The following RAB3A variants were observed in gnomAD, a reference collection of about 807,000 sequenced individuals.
RAB3A encodes ras-related protein Rab-3A.
In RAB3A, 5 loss-of-function variants were observed where a neutral mutation model predicts 19.7. The observed-to-expected ratio is 0.25, with a 90% CI of 0.13 to 0.53. The LOEUF (loss-of-function observed/expected upper bound fraction) is 0.53. Among genes scored for constraint, RAB3A ranks in the 20% least tolerant of loss-of-function variants. RAB3A has a pLI of 0.95. For synonymous variants in RAB3A, 119 were observed against 122.1 expected (o/e 0.97, Z 0.17); for missense variants, 189 against 305.6 (o/e 0.62, Z 2.85).
intron 3 of RAB3A, among the ~76,000 whole-genome samples, chr19:18,199,303 T>C (rs1286174785): frequency 2.0e-5 from 3 of 151,814 alleles, no homozygotes; most frequent in African/African-American, 7.3e-5. Context: ...ACTATAGGCA[T>C]GAGCCACCAT....
chr19:18,201,001 A>G (rs1271968138), intron 2 of RAB3A, among the ~76,000 whole-genome samples: 1 of 151,942 alleles, frequency 6.6e-6, no homozygotes, highest in Non-Finnish European at 1.5e-5. Flanking sequence ...TTGGGAGGCC[A>G]AGGCAGGTGG....
Position 18,202,844 on chromosome 19 carries a change from A to T in RAB3A, c.1-104T>A, listed in dbSNP as rs935969884. 4.5e-5 allele frequency: 38 copies of T among 844,984 alleles called. No individual in the cohort carries two copies. The highest frequency in any genetic ancestry group is 6.9e-5 in the Non-Finnish European group (35 of 508,696). 52.3% of individuals were successfully genotyped at this position (844,984 alleles called of 1,614,324 possible). A position where few individuals can be genotyped will look rare whatever the true frequency, so the allele number is the denominator to read the frequency against. ...AAGGGCTCCAGAAAACGGCCGGTGT[A>T]TGGAGGACACCCTTATCCCATCAGG... is the stretch of plus-strand genomic sequence containing the variant. On this transcript the variant is annotated intron_variant, in intron 1 of 4. Transcript: ENST00000222256. The surrounding 1 kb of genome is among the most constrained non-coding windows in gnomAD (Gnocchi z 4.2).
chr19:18,202,606 G>C lies in RAB3A; in HGVS notation c.135C>G (p.Asp45Glu), dbSNP rs772626979. Residue 45 changes from aspartate (D) to glutamate (E), a missense_variant, in exon 2 of 5, where the codon GAC becomes GAG. By Grantham distance (45) the Asp-to-Glu change is conservative (BLOSUM62 2). Coordinates refer to ENST00000222256, the MANE Select transcript of RAB3A (RefSeq NM_002866.5). The surrounding 1 kb of genome is among the most constrained non-coding windows in gnomAD (Gnocchi z 4.2). ...TGCTGACGAAGGCAGGCGTGAACGA[G>C]TCGTCAGCATAGCGGAAGAGGAAGG... Reference protein sequence around the residue: ...KTSFLFRYADDSFTPAFVSTV... With the variant: ...KTSFLFRYADESFTPAFVSTV... 2 of 1,614,072 alleles carry C rather than the reference G, an allele frequency of 1.2e-6. No homozygotes were observed. Among genetic ancestry groups the C allele is most frequent in the African/African-American group, 2.7e-5 (2 of 74,920 alleles).
At chr19:18,200,296 GA>G (rs138348056) in intron 3 of RAB3A, 30 bp downstream of exon 3, 54 of 1,497,990 alleles carry the variant, frequency 3.6e-5, no homozygotes, top group Admixed American at 1.2e-4. Flanking sequence ...GAAAAGAAAA[GA>G]AAAAAAAAGA....
chr19:18,202,075 A>C lies in RAB3A; in HGVS notation c.228+438T>G, dbSNP rs761555227. Among the ~76,000 whole-genome samples the C allele has an allele frequency of 6.6e-5, 10 of 152,144 alleles. No homozygotes were observed. The highest frequency in any genetic ancestry group is 1.5e-4 in the Non-Finnish European group (10 of 68,036). On this transcript the variant is annotated intron_variant, in intron 2 of 4. Transcript: ENST00000222256. The surrounding 1 kb of genome is among the most constrained non-coding windows in gnomAD (Gnocchi z 4.2). ...ATAGCCCGACCCTGTCTCTACAAAA[A>C]AGAAAAAAATCAGCAGGCGTGGTGG...
chr19:18,199,626 C>T (rs1034900637), intron 3 of RAB3A, among the ~76,000 whole-genome samples: 2 of 151,026 alleles, frequency 1.3e-5, no homozygotes, highest in African/African-American at 2.4e-5. Context: ...CGGGTTCGAG[C>T]GATTCTCCTG....
intron 4 of RAB3A, among the ~76,000 whole-genome samples, chr19:18,198,508 C>A (rs1413036379): frequency 6.6e-6 from 1 of 152,156 alleles, no homozygotes; most frequent in African/African-American, 2.4e-5. Flanking sequence ...CCCAACAAAG[C>A]GTTGGACGGT....
In RAB3A at chr19:18,200,349, A is replaced by C; in HGVS notation, c.325T>G (p.Ser109Ala). The stretch of plus-strand genomic sequence containing the variant: ...CACCAGTCCTGCACTGCATTGAAGG[A>C]TTCCTCGTTGGTGATGTCATACATG... ...ILMYDITNEE[S>A]FNAVQDWSTQ... Residue 109 changes from serine (S) to alanine (A), a missense_variant, in exon 3 of 5, where the codon TCC becomes GCC. Ser to Ala is a moderately conservative substitution (Grantham distance 99). Coordinates refer to ENST00000222256, the MANE Select transcript of RAB3A (RefSeq NM_002866.5). The C allele has an allele frequency of 6.2e-7, 1 of 1,613,200 alleles. No homozygotes were observed. The highest frequency in any genetic ancestry group is 8.5e-7 in the Non-Finnish European group (1 of 1,179,396).
At chr19:18,201,839 C>G (rs1967617444) in intron 2 of RAB3A, among the ~76,000 whole-genome samples, 1 of 152,156 alleles carries the variant, frequency 6.6e-6, no homozygotes, top group Non-Finnish European at 1.5e-5. Flanking sequence ...GAAGCTGACA[C>G]TTGCCTGTAC....
chr19:18,202,031 A>G lies in RAB3A; in HGVS notation c.228+482T>C, dbSNP rs1967620716. On this transcript the variant is annotated intron_variant, in intron 2 of 4. Coordinates refer to ENST00000222256, the MANE Select transcript of RAB3A (RefSeq NM_002866.5). This position sits in a 1 kb window ranked among gnomAD's most constrained non-coding sequence, Gnocchi z 4.2. The stretch of plus-strand genomic sequence containing the variant: ...GAGGATCGCTTGAGCCCAGGAGTTC[A>G]AGACCAGCCTGGGCAGACATAGCCC... Among the ~76,000 whole-genome samples, 1 of 152,036 alleles carries G rather than the reference A, an allele frequency of 6.6e-6. No homozygotes were observed. The highest frequency in any genetic ancestry group is 1.5e-5 in the Non-Finnish European group (1 of 68,002).
At chr19:18,199,530 TC>T (rs1967579980) in intron 3 of RAB3A, among the ~76,000 whole-genome samples, 1 of 150,408 alleles carries the variant, frequency 6.6e-6, no homozygotes, top group South Asian at 2.1e-4. Context: ...ATGCCAACTC[TC>T]CTTTTTTTTT....
At chr19:18,200,560 G>A in intron 2 of RAB3A, 115 bp from the exon 3 acceptor site, 1 of 812,162 alleles carries the variant, frequency 1.2e-6, no homozygotes, top group Non-Finnish European at 2.0e-6. Flanking sequence ...CTTGCCCAGG[G>A]GCACAAAGTG....
rs147005635 is a variant in RAB3A, at chr19:18,202,005, G to A, written c.228+508C>T. ...CTTAGCACTTTGAGAGGCTGAGGTG[G>A]GAGGATCGCTTGAGCCCAGGAGTTC... On this transcript the variant is annotated intron_variant, in intron 2 of 4. Coordinates refer to ENST00000222256, the MANE Select transcript of RAB3A (RefSeq NM_002866.5). The surrounding 1 kb of genome is among the most constrained non-coding windows in gnomAD (Gnocchi z 4.2). 0.013 allele frequency among the ~76,000 whole-genome samples: 1,915 copies of A among 152,160 alleles called. 37 individuals carry two copies. The highest frequency in any genetic ancestry group is 0.044 in the African/African-American group (1,811 of 41,510).
chr19:18,198,178 G>A (rs1967560287), intron 4 of RAB3A, among the ~76,000 whole-genome samples: 1 of 151,976 alleles, frequency 6.6e-6, no homozygotes, highest in African/African-American at 2.4e-5. Flanking sequence ...ACCTCCCCCT[G>A]CTCACACACC....
chr19:18,198,939 A>G, intron 3 of RAB3A, 90 bp from the exon 4 acceptor site: 5 of 1,492,990 alleles, frequency 3.3e-6, no homozygotes, highest in Non-Finnish European at 4.5e-6. Flanking sequence ...TCCTTGTCCG[A>G]GGAAGAAAGA....
In RAB3A at chr19:18,202,553, G is replaced by A. The variant is rs745349679; in HGVS notation, c.188C>T (p.Thr63Ile). The change falls in exon 2 of 5, where the codon ACC becomes ATC. Residue 63 changes from threonine (T) to isoleucine (I), a missense_variant. Physicochemically the swap from Thr to Ile is moderately conservative, Grantham distance 89 (BLOSUM62 -1). Transcript: ENST00000222256. This position sits in a 1 kb window ranked among gnomAD's most constrained non-coding sequence, Gnocchi z 4.2. ...GATCCTCTTGTCGTTGCGATAGATG[G>A]TCTTGACCTTGAAGTCGATGCCCAC... ...STVGIDFKVKTIYRNDKRIKL... is the reference protein window; with the variant it reads ...STVGIDFKVKIIYRNDKRIKL... 1.2e-6 allele frequency: 2 copies of A among 1,614,094 alleles called. No individual in the cohort carries two copies. The highest frequency in any genetic ancestry group is 2.2e-5 in the East Asian group (1 of 44,886).
In RAB3A at chr19:18,197,278, C is replaced by T. The variant is rs922980741; in HGVS notation, c.*192G>A. Reference sequence around the variant, plus strand: ...TGTACAGGAGGGGCAGGGCTTGGGGCGGGCAGGGGAGCCTGGGCCCCTGGG... The same window carrying T: ...TGTACAGGAGGGGCAGGGCTTGGGGTGGGCAGGGGAGCCTGGGCCCCTGGG... On this transcript the variant is annotated 3_prime_UTR_variant, in exon 5 of 5. Transcript: ENST00000222256. 5.9e-5 allele frequency: 34 copies of T among 577,360 alleles called. No individual in the cohort carries two copies. Among genetic ancestry groups the T allele is most frequent in the South Asian group, 4.2e-4 (18 of 42,640 alleles). 35.8% of individuals were successfully genotyped at this position (577,360 alleles called of 1,614,324 possible).
At position 18,202,555 on chromosome 19, in the gene RAB3A, C is replaced by G. The variant is rs1385040515; in HGVS notation, c.186G>C (p.Lys62Asn). ...TCCTCTTGTCGTTGCGATAGATGGTCTTGACCTTGAAGTCGATGCCCACGG... is the reference window on the plus strand; with the variant it reads ...TCCTCTTGTCGTTGCGATAGATGGTGTTGACCTTGAAGTCGATGCCCACGG... ...VSTVGIDFKV[K>N]TIYRNDKRIK... Residue 62 changes from lysine (K) to asparagine (N), a missense_variant, in exon 2 of 5, where the codon AAG becomes AAC. Physicochemically the swap from Lys to Asn is moderately conservative, Grantham distance 94. Coordinates refer to ENST00000222256, the MANE Select transcript of RAB3A (RefSeq NM_002866.5). The surrounding 1 kb of genome is among the most constrained non-coding windows in gnomAD (Gnocchi z 4.2). 6.2e-7 allele frequency: 1 copy of G among 1,614,078 alleles called. No individual in the cohort carries two copies. Among genetic ancestry groups the G allele is most frequent in the Admixed American group, 1.7e-5 (1 of 60,002 alleles).
At position 18,202,818 on chromosome 19, in the gene RAB3A, C is replaced by T. The variant is rs1967632186; in HGVS notation, c.1-78G>A. ...GTGCCCAAGCCCAGGCAGAAGATGG[C>T]AAGGGCTCCAGAAAACGGCCGGTGT... is the stretch of plus-strand genomic sequence containing the variant. On this transcript the variant is annotated intron_variant, in intron 1 of 4. Transcript: ENST00000222256. The surrounding 1 kb of genome is among the most constrained non-coding windows in gnomAD (Gnocchi z 4.2). 13 of 1,191,218 alleles carry T rather than the reference C, an allele frequency of 1.1e-5. No homozygotes were observed. Among genetic ancestry groups the T allele is most frequent in the Non-Finnish European group, 1.6e-5 (13 of 813,910 alleles). 73.8% of individuals were successfully genotyped at this position (1,191,218 alleles called of 1,614,324 possible).
Sources: gnomAD v4.1 joint callset for allele counts (sites outside exome capture counted in the v4.1 genomes callset) on GRCh38, gnomAD v4.1.1 for gene constraint, Gnocchi (gnomAD v3.1) non-coding constraint, MANE v1.5 for transcripts, NCBI Gene and HGNC (gene_info 2026-07-23, HGNC 2026-07-21) for gene names.